The following LOXHD1 variants were observed in gnomAD, a reference collection of about 807,000 sequenced individuals.
The protein encoded by LOXHD1 is lipoxygenase homology PLAT domains 1, also known as lipoxygenase homology domain-containing protein 1.
LOXHD1 carries 205 observed loss-of-function variants against 248.2 expected under a neutral mutation model. The observed-to-expected ratio is 0.83, with a 90% CI of 0.74 to 0.93. LOXHD1 has a LOEUF of 0.93. LOXHD1 is among the 40% of genes least tolerant of loss of function. The probability of loss-of-function intolerance (pLI) is 0.00; values close to 1 mark genes in which losing one functional copy is unlikely to be tolerated. For synonymous variants in LOXHD1, 1,113 were observed against 1,162.8 expected, an observed-to-expected ratio of 0.96 and a Z score of 0.87; for missense variants, 2,930 against 2,971.6, an observed-to-expected ratio of 0.99 and a Z score of 0.33.
chr18:46,563,716 G>A (rs1372676547), intron 17 of LOXHD1, among the ~76,000 whole-genome samples: 1 of 152,200 alleles, frequency 6.6e-6, no homozygotes, highest in South Asian at 2.1e-4. Context: ...GGAGATAAGA[G>A]TCTTTAAAGA....
Position 46,604,247 on chromosome 18 carries a change from G to A in LOXHD1, c.760-18C>T, listed in dbSNP as rs959441942. The A allele has an allele frequency of 6.4e-7, 1 of 1,551,398 alleles. No individual in the cohort carries two copies. The highest frequency in any genetic ancestry group is 1.4e-5 in the African/African-American group (1 of 73,016). ...ATGACTATCTGGGAAGGAGAAGAGG[G>A]GACAAGGATGTAGATAAGTGTTGTT... On this transcript the variant is annotated intron_variant, in intron 6 of 40. Coordinates refer to ENST00000642948, the MANE Select transcript of LOXHD1 (RefSeq NM_001384474.1).
chr18:46,530,790 C>T (rs1684333285), intron 28 of LOXHD1, among the ~76,000 whole-genome samples: 1 of 152,144 alleles, frequency 6.6e-6, no homozygotes. Context: ...CCCTCCTGCT[C>T]TCCTTCTGTG....
intron 22 of LOXHD1, among the ~76,000 whole-genome samples, chr18:46,545,840 G>A (rs1440507704): frequency 3.3e-5 from 5 of 151,132 alleles, no homozygotes; most frequent in South Asian, 2.1e-4. Flanking sequence ...CGTTTTAGCC[G>A]GGATGGTCTC....
At chr18:46,591,095 C>T (rs1046885119) in intron 12 of LOXHD1, among the ~76,000 whole-genome samples, 1 of 152,192 alleles carries the variant, frequency 6.6e-6, no homozygotes, top group Non-Finnish European at 1.5e-5. Flanking sequence ...AAATATCACA[C>T]AATCACCTGT....
intron 8 of LOXHD1, among the ~76,000 whole-genome samples, chr18:46,597,542 GCGCACACA>G (rs1218750557): frequency 7.0e-4 from 43 of 61,124 alleles, no homozygotes; most frequent in East Asian, 1.4e-3. Flanking sequence ...AGTGGTACAT[GCGCACACA>G]CACACACACA....
intron 5 of LOXHD1, among the ~76,000 whole-genome samples, chr18:46,616,986 T>C (rs2038596652): frequency 6.6e-6 from 1 of 152,242 alleles, no homozygotes; most frequent in African/African-American, 2.4e-5. Context: ...TTAGTTATGA[T>C]GAATTATATA....
At chr18:46,498,313 C>T (rs1471390132) in intron 37 of LOXHD1, among the ~76,000 whole-genome samples, 1 of 152,160 alleles carries the variant, frequency 6.6e-6, no homozygotes, top group Non-Finnish European at 1.5e-5. Context: ...TGAATATTTT[C>T]CACCCAGTAG....
chr18:46,573,788 T>C (rs1278481768), intron 14 of LOXHD1, among the ~76,000 whole-genome samples: 1 of 152,226 alleles, frequency 6.6e-6, no homozygotes, highest in African/African-American at 2.4e-5. Flanking sequence ...TGCTCTCAGT[T>C]GGCTATTAGC....
At chr18:46,642,699 G>A (rs981435835) in intron 2 of LOXHD1, among the ~76,000 whole-genome samples, 7 of 152,258 alleles carry the variant, frequency 4.6e-5, no homozygotes, top group Non-Finnish European at 8.8e-5. Context: ...AGATTCAGGA[G>A]CATCCTAAGT....
At chr18:46,601,492 G>A (rs565055485) in intron 7 of LOXHD1, 25 bp from the exon 8 acceptor site, 42 of 1,551,608 alleles carry the variant, frequency 2.7e-5, no homozygotes, top group Non-Finnish European at 2.3e-5. Flanking sequence ...ACAGGAAAGA[G>A]AGTGTTCAAT....
intron 8 of LOXHD1, among the ~76,000 whole-genome samples, chr18:46,600,110 T>C (rs1280864000): frequency 6.6e-6 from 1 of 152,138 alleles, no homozygotes; most frequent in Non-Finnish European, 1.5e-5. Context: ...CAAAGATACA[T>C]GTACAAGAAC....
intron 1 of LOXHD1, among the ~76,000 whole-genome samples, chr18:46,649,837 C>G (rs1055150447): frequency 1.3e-5 from 2 of 152,122 alleles, no homozygotes; most frequent in African/African-American, 4.8e-5. Flanking sequence ...CTGTCAACAC[C>G]TTTCTTATTC....
intron 34 of LOXHD1, among the ~76,000 whole-genome samples, chr18:46,515,105 C>G (rs1168241122): frequency 6.6e-6 from 1 of 152,196 alleles, no homozygotes; most frequent in Admixed American, 6.5e-5. Flanking sequence ...CTGCTATTGG[C>G]TATTGTAAGC....
At chr18:46,563,580 C>T (rs2037574318) in intron 17 of LOXHD1, among the ~76,000 whole-genome samples, 1 of 152,208 alleles carries the variant, frequency 6.6e-6, no homozygotes, top group Non-Finnish European at 1.5e-5. Context: ...CTCTCCAAAA[C>T]TCATGCTGAA....
chr18:46,621,825 A>C (rs949629377), intron 4 of LOXHD1, among the ~76,000 whole-genome samples: 6 of 152,230 alleles, frequency 3.9e-5, no homozygotes, highest in African/African-American at 1.4e-4. Flanking sequence ...CATGTGAGCC[A>C]AAAGGTCACC....
intron 7 of LOXHD1, 27 bp downstream of exon 7, chr18:46,604,079 A>G (rs1308638565): frequency 4.5e-6 from 7 of 1,551,438 alleles, no homozygotes; most frequent in Non-Finnish European, 6.1e-6. Context: ...AAATACCCAA[A>G]AGAGCCTCCC....
chr18:46,626,446 G>C (rs1234757627), intron 4 of LOXHD1, among the ~76,000 whole-genome samples: 1 of 152,184 alleles, frequency 6.6e-6, no homozygotes, highest in East Asian at 1.9e-4. Context: ...GCTGAGGCAG[G>C]AGAATCACCT....
chr18:46,588,339 C>T (rs1255168880), intron 12 of LOXHD1, among the ~76,000 whole-genome samples: 1 of 152,150 alleles, frequency 6.6e-6, no homozygotes, highest in East Asian at 1.9e-4. Context: ...CAACAGACAG[C>T]CCTTCAATCC....
chr18:46,481,926 A>T (rs1164403645), intron 40 of LOXHD1, among the ~76,000 whole-genome samples: 5 of 152,016 alleles, frequency 3.3e-5, no homozygotes, highest in African/African-American at 9.7e-5. Context: ...GAGGGTGACT[A>T]TTTTATTTTG....
Sources: gnomAD v4.1 joint callset for allele counts (sites outside exome capture counted in the v4.1 genomes callset) on GRCh38, gnomAD v4.1.1 for gene constraint, MANE v1.5 for transcripts, NCBI Gene and HGNC (gene_info 2026-07-23, HGNC 2026-07-21) for gene names.